The following TRIM9 variants were observed in gnomAD, a reference collection of about 807,000 sequenced individuals.
The protein encoded by TRIM9 is tripartite motif containing 9, also known as E3 ubiquitin-protein ligase TRIM9.
TRIM9 carries 26 observed loss-of-function variants against 78.3 expected under a neutral mutation model. The observed-to-expected ratio is 0.33, with a 90% CI of 0.24 to 0.46. The LOEUF (loss-of-function observed/expected upper bound fraction) is 0.46. TRIM9 is among the 20% of genes least tolerant of loss of function. The pLI, the probability that TRIM9 is intolerant of heterozygous loss-of-function variation, is 1.00. For synonymous variants in TRIM9, 398 were observed against 416.5 expected (o/e 0.96, Z 0.54); for missense variants, 787 against 1,036.4 (o/e 0.76, Z 3.30).
chr14:51,020,330 G>A lies in TRIM9; in HGVS notation c.1041+2505C>T, dbSNP rs547864677. On this transcript the variant is annotated intron_variant, in intron 3 of 12. Transcript: ENST00000684578. Reference sequence around the variant, plus strand: ...GGTCATGACAGTGTGAGTGGCACTGGTGGCTGTTTTTGGAAGCAATGACAG... The same window carrying A: ...GGTCATGACAGTGTGAGTGGCACTGATGGCTGTTTTTGGAAGCAATGACAG... Among the ~76,000 whole-genome samples the A allele has an allele frequency of 5.3e-5, 8 of 152,306 alleles. 1 individual carries two copies. In the South Asian group the frequency reaches 1.5e-3, roughly 28 times the overall value.
chr14:51,051,923 T>C (rs1006706911), intron 1 of TRIM9, among the ~76,000 whole-genome samples: 1 of 149,994 alleles, frequency 6.7e-6, no homozygotes, highest in Non-Finnish European at 1.5e-5. Flanking sequence ...GCCGAGTTTA[T>C]GCCACTGCAC....
chr14:51,010,443 C>A lies in TRIM9; in HGVS notation c.1093G>T (p.Gly365Cys), dbSNP rs1373520597. The change falls in exon 4 of 13, where the codon GGT becomes TGT. Residue 365 changes from glycine to cysteine, a missense_variant. Physicochemically the swap from Gly to Cys is radical, Grantham distance 159 (BLOSUM62 -3). Around this residue, in one of 3 missense-constraint regions of TRIM9, gnomAD observed 14 missense variants for 49.8 expected, o/e 0.28. Coordinates refer to ENST00000684578, the MANE Select transcript of TRIM9 (RefSeq NM_001387360.1). The stretch of plus-strand genomic sequence containing the variant: ...ACCTCCAAGCAGTACTCCATGAGAC[C>A]TGTGGTCTGGCGCAATTTCACTGTG... ...HCTVKLRQTT[G>C]LMEYCLEVIK... The A allele has an allele frequency of 1.2e-6, 2 of 1,613,848 alleles. No homozygotes were observed. The highest frequency in any genetic ancestry group is 1.7e-6 in the Non-Finnish European group (2 of 1,179,992).
chr14:51,064,164 T>G (rs1034042730), intron 1 of TRIM9, among the ~76,000 whole-genome samples: 2 of 151,588 alleles, frequency 1.3e-5, no homozygotes, highest in Non-Finnish European at 2.9e-5. Flanking sequence ...CTGTGATCAA[T>G]TAGAACATAG....
rs2054343215 is a variant in TRIM9, at chr14:50,997,349, C to T, written c.1603+701G>A. On this transcript the variant is annotated intron_variant, in intron 7 of 12. Coordinates refer to ENST00000684578, the MANE Select transcript of TRIM9 (RefSeq NM_001387360.1). Reference sequence around the variant, plus strand: ...AAGCAAAAATTCTCTAGAGATGAACCTTGTATGGTGGCTCTCGGTAGCCTA... The same window carrying T: ...AAGCAAAAATTCTCTAGAGATGAACTTTGTATGGTGGCTCTCGGTAGCCTA... 3 of 985,140 alleles carry T rather than the reference C, an allele frequency of 3.0e-6. No homozygotes were observed. The African/African-American group carries it at 5.2e-5, about 17-fold the overall frequency. The allele number at this position is 985,140 out of a possible 1,614,324, so 61.0% of individuals were successfully genotyped here.
chr14:51,078,215 A>G (rs981433096), intron 1 of TRIM9, among the ~76,000 whole-genome samples: 1 of 152,234 alleles, frequency 6.6e-6, no homozygotes, highest in African/African-American at 2.4e-5. Flanking sequence ...GAGATAAAAG[A>G]ACAGTAGGAC....
At chr14:51,052,807 C>G (rs1261787504) in intron 1 of TRIM9, among the ~76,000 whole-genome samples, 5 of 152,182 alleles carry the variant, frequency 3.3e-5, no homozygotes, top group African/African-American at 1.2e-4. Context: ...TAGGTCTCCT[C>G]ACTTTACTGG....
chr14:50,978,313 T>C (rs1014170387), intron 12 of TRIM9, among the ~76,000 whole-genome samples: 1 of 152,246 alleles, frequency 6.6e-6, no homozygotes, highest in African/African-American at 2.4e-5. Flanking sequence ...ATGAGGCTCA[T>C]AGTTGTTAAT....
At chr14:51,020,662 A>G (rs921179486) in intron 3 of TRIM9, among the ~76,000 whole-genome samples, 2 of 152,254 alleles carry the variant, frequency 1.3e-5, no homozygotes, top group Admixed American at 6.5e-5. Context: ...TTCCTGGGCA[A>G]TGACATCTGC....
At chr14:51,057,499 T>C (rs966763293) in intron 1 of TRIM9, among the ~76,000 whole-genome samples, 1 of 152,214 alleles carries the variant, frequency 6.6e-6, no homozygotes, top group Non-Finnish European at 1.5e-5. Context: ...TCTTTTATAT[T>C]GTATCTGCTA....
intron 1 of TRIM9, among the ~76,000 whole-genome samples, chr14:51,033,524 C>G (rs1331199952): frequency 6.6e-6 from 1 of 152,182 alleles, no homozygotes. Context: ...ACTGTAGTAT[C>G]GTTCAGAACA....
chr14:50,990,884 G>C (rs903850346), intron 7 of TRIM9, among the ~76,000 whole-genome samples: 2 of 152,168 alleles, frequency 1.3e-5, no homozygotes, highest in African/African-American at 4.8e-5. Context: ...AAGAGACAAA[G>C]AAATGAATGA....
chr14:50,998,961 G>T (rs2054586301), intron 6 of TRIM9, among the ~76,000 whole-genome samples: 1 of 152,124 alleles, frequency 6.6e-6, no homozygotes, highest in African/African-American at 2.4e-5. Flanking sequence ...CCACGGTCTT[G>T]GATCACCCAT....
In TRIM9 at chr14:51,025,343, C is replaced by A; in HGVS notation, c.840G>T (p.Ala280=). 1.2e-6 allele frequency: 2 copies of A among 1,614,082 alleles called. No individual in the cohort carries two copies. Among genetic ancestry groups the A allele is most frequent in the Non-Finnish European group, 1.7e-6 (2 of 1,180,006 alleles). ...TGGCCCTGTCTGACAGTCCGTTCAGCGCCTGGGAGAGCTGGCTCTGCAAAG... is the reference window on the plus strand; with the variant it reads ...TGGCCCTGTCTGACAGTCCGTTCAGAGCCTGGGAGAGCTGGCTCTGCAAAG... The part of the protein sequence containing the change: ...WKLHKSQLSQ[A]LNGLSDRAKE... Residue 280 remains alanine, a synonymous_variant, in exon 2 of 13, where the codon GCG becomes GCT. Coordinates refer to ENST00000684578, the MANE Select transcript of TRIM9 (RefSeq NM_001387360.1).
At chr14:50,988,475 T>G (rs554496048) in intron 7 of TRIM9, 1 of 152,332 alleles carries the variant, frequency 6.6e-6, no homozygotes, top group South Asian at 2.1e-4. Flanking sequence ...CTTCCTATCC[T>G]TCCATGTGGA....
Position 51,015,505 on chromosome 14 carries a change from C to CTTTTTTTTTTTTTTTTTT in TRIM9, c.1042-5029_1042-5012dup, listed in dbSNP as rs369652663. Among the ~76,000 whole-genome samples, 8 of 61,326 alleles carry CTTTTTTTTTTTTTTTTTT rather than the reference C, an allele frequency of 1.3e-4. 1 individual carries two copies. Among genetic ancestry groups the CTTTTTTTTTTTTTTTTTT allele is most frequent in the Non-Finnish European group, 1.7e-4 (6 of 34,508 alleles). 40.2% of individuals were successfully genotyped at this position (61,326 alleles called of 152,430 possible). On this transcript the variant is annotated intron_variant, in intron 3 of 12. Transcript: ENST00000684578. ...AATGCTTTTTTCTTTCTTTACTTTT[C>CTTTTTTTTTTTTTTTTTT]TTTTTTTTTTTTTTTTTTTTTTTTT...
intron 1 of TRIM9, among the ~76,000 whole-genome samples, chr14:51,075,427 G>A (rs956838456): frequency 1.3e-5 from 2 of 152,060 alleles, no homozygotes; most frequent in African/African-American, 4.8e-5. Context: ...AGGTAATGTG[G>A]ATTTGCAACA....
intron 1 of TRIM9, among the ~76,000 whole-genome samples, chr14:51,065,866 T>A (rs919197858): frequency 6.6e-6 from 1 of 152,072 alleles, no homozygotes; most frequent in African/African-American, 2.4e-5. Context: ...TTGACATTTA[T>A]AAGTGAGTTT....
chr14:51,084,131 T>A (rs1199256525), intron 1 of TRIM9, among the ~76,000 whole-genome samples: 2 of 152,056 alleles, frequency 1.3e-5, no homozygotes, highest in Non-Finnish European at 2.9e-5. Flanking sequence ...AGTCTTTATA[T>A]CTAAATGTCA....
chr14:51,017,092 G>T (rs1344852060), intron 3 of TRIM9, among the ~76,000 whole-genome samples: 1 of 152,110 alleles, frequency 6.6e-6, no homozygotes, highest in Non-Finnish European at 1.5e-5. Context: ...GAATTCTCTT[G>T]TTTTTTCCAA....
Sources: gnomAD v4.1 joint callset for allele counts (sites outside exome capture counted in the v4.1 genomes callset) on GRCh38, gnomAD v4.1.1 for gene constraint, gnomAD v4.1.1 regional missense constraint, MANE v1.5 for transcripts, NCBI Gene and HGNC (gene_info 2026-07-23, HGNC 2026-07-21) for gene names.